Variants in UQCC1 observed in about 807,000 individuals in gnomAD.
UQCC1 encodes the protein ubiquinol-cytochrome c reductase complex assembly factor 1.
A neutral mutation model predicts 48.0 loss-of-function variants in UQCC1; 38 were observed. That is an observed-to-expected ratio of 0.79 (90% CI 0.61 to 1.04). The LOEUF (loss-of-function observed/expected upper bound fraction) is 1.04, where lower values mean the gene tolerates loss of function less well. Among genes scored for constraint, UQCC1 ranks in the 50% least tolerant of loss-of-function variants. The probability of loss-of-function intolerance (pLI) is 0.00; values close to 1 mark genes in which losing one functional copy is unlikely to be tolerated. For synonymous variants in UQCC1, 111 were observed against 129.2 expected, an observed-to-expected ratio of 0.86 and a Z score of 0.95; for missense variants, 368 against 381.8, an observed-to-expected ratio of 0.96 and a Z score of 0.30.
chr20:35,367,092 T>TAAAAAAAAAAAA lies in UQCC1; in HGVS notation c.407-490_407-479dup, dbSNP rs72469122. 2.1e-4 allele frequency among the ~76,000 whole-genome samples: 21 copies of TAAAAAAAAAAAA among 101,700 alleles called. 1 individual carries two copies. The highest frequency in any genetic ancestry group is 5.8e-4 in the East Asian group (2 of 3,466). 66.7% of individuals were successfully genotyped at this position (101,700 alleles called of 152,430 possible). A position where few individuals can be genotyped will look rare whatever the true frequency, so the allele number is the denominator to read the frequency against. The stretch of plus-strand genomic sequence containing the variant: ...CTGGGCAATAGAGTGAGACTCTGTC[T>TAAAAAAAAAAAA]AAAAAAAAAAAAAAAAACAAACAAA... On this transcript the variant is annotated intron_variant, in intron 5 of 9. Transcript: ENST00000374385.
rs1568714685 is a variant in UQCC1 at position 35,402,610 on chromosome 20, AACAAAAT to A, written c.25-8421_25-8415del. ...AAACAAACAAACAAACAAACAAACA[AACAAAAT>A]ATATATATATATATAATATATATAA... On this transcript the variant is annotated intron_variant, in intron 1 of 9. Transcript: ENST00000374385. Among the ~76,000 whole-genome samples, 9 of 138,842 alleles carry A rather than the reference AACAAAAT, an allele frequency of 6.5e-5. No homozygotes were observed. The South Asian group carries it at 8.9e-4, about 14-fold the overall frequency. 91.1% of individuals were successfully genotyped at this position (138,842 alleles called of 152,430 possible). A position where few individuals can be genotyped will look rare whatever the true frequency, so the allele number is the denominator to read the frequency against.
Position 35,328,855 on chromosome 20 carries a change from C to T in UQCC1, c.574-14090G>A, listed in dbSNP as rs57583761. Among the ~76,000 whole-genome samples the T allele has an allele frequency of 2.3e-3, 354 of 152,288 alleles. 2 individuals carry two copies. Among genetic ancestry groups the T allele is most frequent in the African/African-American group, 8.1e-3 (336 of 41,566 alleles). The stretch of plus-strand genomic sequence containing the variant: ...AAAGCAAGTGAACTCATATCTTTCT[C>T]GTTCGTCTGTTTCGTGTGGAAGTGA... On this transcript the variant is annotated intron_variant, in intron 7 of 9. Coordinates refer to ENST00000374385, the MANE Select transcript of UQCC1 (RefSeq NM_018244.5).
intron 7 of UQCC1, among the ~76,000 whole-genome samples, chr20:35,336,109 C>T (rs1600895392): frequency 6.6e-6 from 1 of 152,218 alleles, no homozygotes. Flanking sequence ...AAAGAAACAA[C>T]ACTTGGGTTA....
chr20:35,385,962 A>T (rs1008365583), intron 2 of UQCC1, among the ~76,000 whole-genome samples: 16 of 151,472 alleles, frequency 1.1e-4, no homozygotes, highest in Non-Finnish European at 2.1e-4. Flanking sequence ...AACATCCCAT[A>T]CCAGAGTGGT....
chr20:35,361,520 C>CT (rs1317523395), intron 6 of UQCC1, among the ~76,000 whole-genome samples: 2 of 152,136 alleles, frequency 1.3e-5, no homozygotes, highest in Non-Finnish European at 2.9e-5. Flanking sequence ...TACACAGTAC[C>CT]TTCAATCAAG....
rs762247525 is a variant in UQCC1 at position 35,394,181 on chromosome 20, T to G, written c.40A>C (p.Ile14Leu). ...LVRVLRNQTS[I>L]SQWVPVCSRL... ...CTGCATACTGGAACCCACTGAGAAATGCTAGTCTGGTTCCTCTAAAGAAAG... is the reference window on the plus strand; with the variant it reads ...CTGCATACTGGAACCCACTGAGAAAGGCTAGTCTGGTTCCTCTAAAGAAAG... The change falls in exon 2 of 10, where the codon ATT (isoleucine) becomes CTT (leucine). Residue 14 changes from isoleucine to leucine, a missense_variant. Physicochemically the swap from Ile to Leu is conservative, Grantham distance 5. Transcript: ENST00000374385. The G allele has an allele frequency of 1.9e-6, 3 of 1,613,896 alleles. No individual in the cohort carries two copies. The highest frequency in any genetic ancestry group is 1.7e-6 in the Non-Finnish European group (2 of 1,179,896).
At chr20:35,340,107 G>A (rs141700836) in intron 7 of UQCC1, among the ~76,000 whole-genome samples, 36 of 152,284 alleles carry the variant, frequency 2.4e-4, no homozygotes, top group Middle Eastern at 6.8e-3. Context: ...TGAAGTTGGT[G>A]TAGTGCTGCA....
At chr20:35,380,229 T>TA (rs2061850301) in intron 4 of UQCC1, among the ~76,000 whole-genome samples, 2 of 152,186 alleles carry the variant, frequency 1.3e-5, no homozygotes, top group African/African-American at 4.8e-5. Flanking sequence ...AGATTCTGGT[T>TA]AAAAACATTA....
chr20:35,383,018 C>T (rs1204566354), intron 3 of UQCC1, among the ~76,000 whole-genome samples: 1 of 152,102 alleles, frequency 6.6e-6, no homozygotes, highest in South Asian at 2.1e-4. Flanking sequence ...TGACCCCCAT[C>T]TCCCAAGAAC....
chr20:35,354,732 A>G (rs553353764), intron 6 of UQCC1, among the ~76,000 whole-genome samples: 3 of 152,280 alleles, frequency 2.0e-5, no homozygotes, highest in African/African-American at 7.2e-5. Flanking sequence ...AAAACATTGG[A>G]CCCAATAAGT....
chr20:35,390,619 TA>T (rs1022794191), intron 2 of UQCC1, among the ~76,000 whole-genome samples: 4 of 151,744 alleles, frequency 2.6e-5, no homozygotes, highest in South Asian at 2.1e-4. Flanking sequence ...AACATATCAT[TA>T]AAAAAAACCA....
intron 2 of UQCC1, among the ~76,000 whole-genome samples, chr20:35,387,349 C>G (rs2061957218): frequency 6.6e-6 from 1 of 151,974 alleles, no homozygotes; most frequent in South Asian, 2.1e-4. Context: ...AAAGGGGGTG[C>G]TGGGACAAAC....
chr20:35,374,811 T>C (rs1174677785), intron 4 of UQCC1, among the ~76,000 whole-genome samples: 1 of 152,132 alleles, frequency 6.6e-6, no homozygotes, highest in African/African-American at 2.4e-5. Flanking sequence ...GACTGTAAAA[T>C]ACAATATAAG....
intron 1 of UQCC1, among the ~76,000 whole-genome samples, chr20:35,394,960 G>C (rs925599519): frequency 1.3e-5 from 2 of 152,068 alleles, no homozygotes; most frequent in Non-Finnish European, 2.9e-5. Flanking sequence ...GGCTCAACTC[G>C]GGGAGGCACT....
intron 7 of UQCC1, among the ~76,000 whole-genome samples, chr20:35,343,833 G>A (rs1358924394): frequency 6.6e-6 from 1 of 152,138 alleles, no homozygotes; most frequent in Non-Finnish European, 1.5e-5. Flanking sequence ...TCTCACCCCT[G>A]TCCTGAAACT....
chr20:35,314,820 A>C (rs2061039382), intron 7 of UQCC1, 55 bp from the exon 8 acceptor site: 3 of 1,449,336 alleles, frequency 2.1e-6, no homozygotes, highest in African/African-American at 1.4e-5. Flanking sequence ...AAAAAAACCC[A>C]AAAAGTATGA....
chr20:35,323,055 G>T (rs1241788741), intron 7 of UQCC1, among the ~76,000 whole-genome samples: 3 of 152,124 alleles, frequency 2.0e-5, no homozygotes. Context: ...CACCGTGTTA[G>T]CCAGCATGGT....
At chr20:35,369,045 G>A (rs558395627) in intron 5 of UQCC1, among the ~76,000 whole-genome samples, 51 of 152,348 alleles carry the variant, frequency 3.3e-4, no homozygotes, top group African/African-American at 1.1e-3. Context: ...AAATTTGGCT[G>A]CTTCTAAAGG....
chr20:35,396,284 C>CTTTTT (rs34830667), intron 1 of UQCC1, among the ~76,000 whole-genome samples: 2 of 94,402 alleles, frequency 2.1e-5, no homozygotes, highest in Non-Finnish European at 4.0e-5. Flanking sequence ...TGTGCCTGGC[C>CTTTTT]TTTTTTTTTT....
Sources: gnomAD v4.1 joint callset for allele counts (sites outside exome capture counted in the v4.1 genomes callset) on GRCh38, gnomAD v4.1.1 for gene constraint, MANE v1.5 for transcripts, NCBI Gene and HGNC (gene_info 2026-07-23, HGNC 2026-07-21) for gene names.